The following SV2A variants were observed in gnomAD, a reference collection of about 807,000 sequenced individuals.
SV2A encodes synaptic vesicle glycoprotein 2A.
Under a neutral mutation model 78.0 loss-of-function variants are expected in SV2A, and 25 were observed. The ratio of observed to expected loss-of-function variants is 0.32; its 90% CI spans 0.23 to 0.45. SV2A has a LOEUF of 0.45. SV2A is among the 20% of genes least tolerant of loss of function. The pLI is 1.00. For missense variants in SV2A, 752 were observed against 971.5 expected, an observed-to-expected ratio of 0.77 and a Z score of 3.00; for synonymous variants, 355 against 384.7, an observed-to-expected ratio of 0.92 and a Z score of 0.90.
In SV2A at chr1:149,909,272, C is replaced by T; in HGVS notation, c.1299G>A (p.Gly433=). The T allele has an allele frequency of 1.9e-6, 3 of 1,614,020 alleles. No homozygotes were observed. The highest frequency in any genetic ancestry group is 1.1e-5 in the South Asian group (1 of 91,084). The change falls in exon 8 of 13, where the codon GGG becomes GGA. Residue 433 remains glycine, a synonymous_variant. Transcript: ENST00000369146. ...CGGGACCAAAACAGGAGAGAAAATTCCCCCAAACCTACAGGGGACCAGACA... is the reference window on the plus strand; with the variant it reads ...CGGGACCAAAACAGGAGAGAAAATTTCCCCAAACCTACAGGGGACCAGACA... The part of the protein sequence containing the change: ...RALSLGGQVW[G]NFLSCFGPEY...
chr1:149,904,861 A>G lies in SV2A; in HGVS notation c.*153T>C. ...TAGTCCCTGCCCACGGGGTTTACAC[A>G]CATGCACACGCACACGCACACACAG... is the stretch of plus-strand genomic sequence containing the variant. On this transcript the variant is annotated 3_prime_UTR_variant, in exon 13 of 13. Transcript: ENST00000369146. 1 of 831,860 alleles carries G rather than the reference A, an allele frequency of 1.2e-6. No individual in the cohort carries two copies. Among genetic ancestry groups the G allele is most frequent in the Non-Finnish European group, 1.9e-6 (1 of 540,540 alleles). 51.5% of individuals were successfully genotyped at this position (831,860 alleles called of 1,614,324 possible). A position where few individuals can be genotyped will look rare whatever the true frequency, so the allele number is the denominator to read the frequency against.
intron 10 of SV2A, chr1:149,907,094 G>A (rs2092443405): frequency 1.7e-6 from 1 of 593,108 alleles, no homozygotes; most frequent in Admixed American, 6.3e-5. Context: ...CCCATTAATA[G>A]TCTTAGCTGC....
rs1553763601 is a variant in SV2A at position 149,910,620 on chromosome 1, C to T, written c.1039G>A (p.Ala347Thr). ...GGCTGCGTGGTCAGAGCCCCAATGGCAAACACAGAAGGAAAGGCGCAGACG... is the reference window on the plus strand; with the variant it reads ...GGCTGCGTGGTCAGAGCCCCAATGGTAAACACAGAAGGAAAGGCGCAGACG... Reference protein sequence around the residue: ...VLVCAFPSVFAIGALTTQPES... With the variant: ...VLVCAFPSVFTIGALTTQPES... The change falls in exon 5 of 13, where the codon GCC becomes ACC. Residue 347 changes from alanine (A) to threonine (T), a missense_variant. By Grantham distance (58) the Ala-to-Thr change is moderately conservative. Around this residue, in one of 7 missense-constraint regions of SV2A, gnomAD observed 136 missense variants for 132.3 expected, o/e 1.03. Transcript: ENST00000369146. This position sits in a 1 kb window ranked among gnomAD's most constrained non-coding sequence, Gnocchi z 4.2. 6.2e-7 allele frequency: 1 copy of T among 1,613,426 alleles called. No homozygotes were observed. The highest frequency in any genetic ancestry group is 1.7e-5 in the Admixed American group (1 of 59,888).
At position 149,913,787 on chromosome 1, in the gene SV2A, A is replaced by C. The variant is rs1553764176; in HGVS notation, c.54T>G (p.Ile18Met). The stretch of plus-strand genomic sequence containing the variant: ...CCGCATGCTTTTTGACTTCCTTAGC[A>C]ATGTCTTTGGCCCCACGGATGAAAG... Reference protein sequence around the residue: ...RAAFIRGAKDIAKEVKKHAAK... With the variant: ...RAAFIRGAKDMAKEVKKHAAK... Residue 18 changes from isoleucine (I) to methionine (M), a missense_variant, in exon 2 of 13, where the codon ATT becomes ATG. Physicochemically the swap from Ile to Met is conservative, Grantham distance 10. This residue lies in a region of SV2A where 291 missense variants were observed against 359.5 expected (regional missense o/e 0.81). Coordinates refer to ENST00000369146, the MANE Select transcript of SV2A (RefSeq NM_014849.5). The C allele has an allele frequency of 1.2e-6, 2 of 1,613,702 alleles. No homozygotes were observed. Among genetic ancestry groups the C allele is most frequent in the Non-Finnish European group, 1.7e-6 (2 of 1,179,884 alleles).
intron 3 of SV2A, 76 bp downstream of exon 3, chr1:149,911,724 T>C (rs1054315072): frequency 6.9e-6 from 10 of 1,440,152 alleles, no homozygotes; most frequent in Admixed American, 3.9e-5. Flanking sequence ...TGCCTGGCAC[T>C]GTGCTGGGCC....
rs1481456292 is a variant in SV2A, at chr1:149,914,096, G to T, written c.-256C>A. ...TGGGGAAGGGACAGGGGGAGCAGGG[G>T]AATGGGAAGGGGAAGGGGAGCCAGA... On this transcript the variant is annotated 5_prime_UTR_variant, in exon 2 of 13. Coordinates refer to ENST00000369146, the MANE Select transcript of SV2A (RefSeq NM_014849.5). The T allele has an allele frequency of 9.8e-6, 4 of 407,840 alleles. No individual in the cohort carries two copies. The highest frequency in any genetic ancestry group is 1.3e-5 in the Non-Finnish European group (3 of 233,296). 25.3% of individuals were successfully genotyped at this position (407,840 alleles called of 1,614,324 possible).
At chr1:149,909,688 G>C in intron 6 of SV2A, 113 bp downstream of exon 6, 1 of 1,450,740 alleles carries the variant, frequency 6.9e-7, no homozygotes, top group South Asian at 1.2e-5. Flanking sequence ...ATGATACCCT[G>C]AAAATCTCCT....
At position 149,904,777 on chromosome 1, in the gene SV2A, G is replaced by A; in HGVS notation, c.*237C>T. 2.1e-6 allele frequency: 1 copy of A among 476,238 alleles called. No homozygotes were observed. The highest frequency in any genetic ancestry group is 3.5e-5 in the Admixed American group (1 of 28,448). 29.5% of individuals were successfully genotyped at this position (476,238 alleles called of 1,614,324 possible). ...AGCCTTCTCTTGTGCAAAGTCAAGG[G>A]CAGTGGGAAATGGGGAGTACAGCTT... On this transcript the variant is annotated 3_prime_UTR_variant, in exon 13 of 13. Transcript: ENST00000369146.
intron 1 of SV2A, among the ~76,000 whole-genome samples, chr1:149,915,910 C>CAA (rs1479281376): frequency 1.3e-5 from 2 of 151,894 alleles, no homozygotes; most frequent in Non-Finnish European, 2.9e-5. Flanking sequence ...CACACACACA[C>CAA]ACGCACACAC....
intron 12 of SV2A, 36 bp from the exon 13 acceptor site, chr1:149,905,233 G>A (rs782713027): frequency 4.5e-6 from 7 of 1,566,838 alleles, no homozygotes; most frequent in South Asian, 3.5e-5. Flanking sequence ...ACGGCGCAAG[G>A]TACAGGAGGG....
At chr1:149,911,711 G>A (rs1553763791) in intron 3 of SV2A, 89 bp downstream of exon 3, 3 of 1,307,574 alleles carry the variant, frequency 2.3e-6, no homozygotes, top group African/African-American at 1.5e-5. Context: ...GGTGCATTTG[G>A]TGTGCCTGGC....
intron 10 of SV2A, 87 bp from the exon 11 acceptor site, chr1:149,906,943 A>G: frequency 1.9e-6 from 3 of 1,553,710 alleles, no homozygotes; most frequent in Admixed American, 1.9e-5. Flanking sequence ...CTCTGCATGT[A>G]TGAAAGTTAG....
Position 149,905,017 on chromosome 1 carries a change from C to G in SV2A, c.2226G>C (p.Gln742His). 1 of 1,609,698 alleles carries G rather than the reference C, an allele frequency of 6.2e-7. No individual in the cohort carries two copies. Among genetic ancestry groups the G allele is most frequent in the Non-Finnish European group, 8.5e-7 (1 of 1,178,136 alleles). The change falls in exon 13 of 13, where the codon CAG becomes CAC. Residue 742 changes from glutamine (Q) to histidine (H), a missense_variant. This residue lies in a region of SV2A where 186 missense variants were observed against 274.6 expected (regional missense o/e 0.68). Coordinates refer to ENST00000369146, the MANE Select transcript of SV2A (RefSeq NM_014849.5). Reference sequence around the variant, plus strand: ...TCCCAAAGCCCTAGAGACCCCTTCACTGCAGCACCTGCCCCCGGGTCTCAG... The same window carrying G: ...TCCCAAAGCCCTAGAGACCCCTTCAGTGCAGCACCTGCCCCCGGGTCTCAG... Reference protein sequence around the residue: ...KLPETRGQVLQ With the variant: ...KLPETRGQVLH
intron 10 of SV2A, chr1:149,907,120 G>T: frequency 2.2e-6 from 1 of 444,916 alleles, no homozygotes; most frequent in Non-Finnish European, 3.0e-6. Flanking sequence ...CATTCTTTCT[G>T]TCCGTGCTAG....
chr1:149,909,957 T>A, intron 5 of SV2A, 67 bp from the exon 6 acceptor site: 1 of 1,465,114 alleles, frequency 6.8e-7, no homozygotes. Flanking sequence ...ATAGACCCCC[T>A]CCCTCCCACC....
chr1:149,906,961 G>A (rs1404934610), intron 10 of SV2A, 105 bp from the exon 11 acceptor site: 1 of 1,526,300 alleles, frequency 6.6e-7, no homozygotes, highest in Non-Finnish European at 8.8e-7. Flanking sequence ...TAGTAGGAGG[G>A]GCTCTCAAAA....
Position 149,913,432 on chromosome 1 carries a change from C to G in SV2A, c.409G>C (p.Gly137Arg). 1 of 1,613,890 alleles carries G rather than the reference C, an allele frequency of 6.2e-7. No homozygotes were observed. The highest frequency in any genetic ancestry group is 8.5e-7 in the Non-Finnish European group (1 of 1,179,964). ...CGTTCTTTCCGTCGTTGTGCCTCCC[C>G]CCGGCCCCCAGGGGGACCCTCCCCA... ...SDGEGPPGGR[G>R]EAQRRKEREE... is the part of the protein sequence containing the mutation. Residue 137 changes from glycine to arginine, a missense_variant, in exon 2 of 13, where the codon GGG becomes CGG. Coordinates refer to ENST00000369146, the MANE Select transcript of SV2A (RefSeq NM_014849.5).
Position 149,907,826 on chromosome 1 carries a change from C to T in SV2A, c.1552G>A (p.Gly518Arg). 1 of 1,613,834 alleles carries T rather than the reference C, an allele frequency of 6.2e-7. No individual in the cohort carries two copies. Among genetic ancestry groups the T allele is most frequent in the Non-Finnish European group, 8.5e-7 (1 of 1,179,842 alleles). ...AAGGACACTGACTTGAGCCGCAGCC[C>T]AATGAACCTGTAAGGCCAGGATGGT... is the stretch of plus-strand genomic sequence containing the variant. ...GGQYFNDKFI[G>R]LRLKSVSFED... is the part of the protein sequence containing the mutation. The change falls in exon 10 of 13, where the codon GGG becomes AGG. Residue 518 changes from glycine (G) to arginine (R), a missense_variant. By Grantham distance (125) the Gly-to-Arg change is moderately radical (BLOSUM62 -2). Around this residue, in one of 7 missense-constraint regions of SV2A, gnomAD observed 81 missense variants for 74.2 expected, o/e 1.09. Transcript: ENST00000369146.
At chr1:149,915,890 A>AACAC (rs60828738) in intron 1 of SV2A, among the ~76,000 whole-genome samples, 2,843 of 149,662 alleles carry the variant, frequency 0.019, 77 homozygotes, top group African/African-American at 0.064. Flanking sequence ...CCTTCATTAA[A>AACAC]ACACACACAC....
Sources: gnomAD v4.1 joint callset for allele counts (sites outside exome capture counted in the v4.1 genomes callset) on GRCh38, gnomAD v4.1.1 for gene constraint, gnomAD v4.1.1 regional missense constraint, Gnocchi (gnomAD v3.1) non-coding constraint, MANE v1.5 for transcripts, NCBI Gene and HGNC (gene_info 2026-07-23, HGNC 2026-07-21) for gene names.